The following FHOD3 variants were observed in gnomAD, a reference collection of about 807,000 sequenced individuals.
The protein encoded by FHOD3 is formin homology 2 domain containing 3, also known as FH1/FH2 domain-containing protein 3.
Under a neutral mutation model 173.0 loss-of-function variants are expected in FHOD3, and 90 were observed. That is an observed-to-expected ratio of 0.52 (90% CI 0.44 to 0.62). FHOD3 has a LOEUF of 0.62. Among genes scored for constraint, FHOD3 ranks in the 20% least tolerant of loss-of-function variants. The probability of loss-of-function intolerance (pLI) is 0.00; values close to 1 mark genes in which losing one functional copy is unlikely to be tolerated. For synonymous variants in FHOD3, 828 were observed against 823.0 expected (o/e 1.01, Z -0.10); for missense variants, 1,945 against 2,034.7 (o/e 0.96, Z 0.85).
intron 19 of FHOD3, among the ~76,000 whole-genome samples, chr18:36,721,910 C>CA (rs538698389): frequency 1.3e-5 from 2 of 151,958 alleles, no homozygotes; most frequent in Non-Finnish European, 1.5e-5. Flanking sequence ...TAGGTTTCAT[C>CA]AAAAAAAGTA....
At chr18:36,694,497 A>G (rs2039144607) in intron 17 of FHOD3, among the ~76,000 whole-genome samples, 1 of 152,208 alleles carries the variant, frequency 6.6e-6, no homozygotes, top group African/African-American at 2.4e-5. Flanking sequence ...GTCATGGATG[A>G]GTAATGTCGG....
Position 36,654,025 on chromosome 18 carries a change from G to A in FHOD3, c.1721+609G>A, listed in dbSNP as rs1600100356. On this transcript the variant is annotated intron_variant, in intron 13 of 28. Coordinates refer to ENST00000590592, the MANE Select transcript of FHOD3 (RefSeq NM_001281740.3). ...ACCCCAGGCAGCCTGTTCCAGAGTCGCTTCCTAACCCGTACGTGGTGCTGC... is the reference window on the plus strand; with the variant it reads ...ACCCCAGGCAGCCTGTTCCAGAGTCACTTCCTAACCCGTACGTGGTGCTGC... 3.3e-5 allele frequency among the ~76,000 whole-genome samples: 5 copies of A among 152,152 alleles called. No homozygotes were observed. In the South Asian group the frequency reaches 6.2e-4, roughly 19 times the overall value.
chr18:36,487,911 A>G (rs1192801672), intron 3 of FHOD3, among the ~76,000 whole-genome samples: 1 of 152,224 alleles, frequency 6.6e-6, no homozygotes, highest in East Asian at 1.9e-4. Context: ...TTTAATGTGT[A>G]CAAACCTTAG....
At chr18:36,509,887 A>G (rs2146266877) in intron 4 of FHOD3, among the ~76,000 whole-genome samples, 1 of 152,342 alleles carries the variant, frequency 6.6e-6, no homozygotes, top group Non-Finnish European at 1.5e-5. Context: ...GTAGGCAAGG[A>G]AGAAGCTGCT....
At chr18:36,408,023 G>C (rs1026464925) in intron 3 of FHOD3, among the ~76,000 whole-genome samples, 29 of 152,114 alleles carry the variant, frequency 1.9e-4, no homozygotes, top group African/African-American at 7.0e-4. Flanking sequence ...AGGAGCGTGT[G>C]GCCTTGGCTG....
intron 20 of FHOD3, among the ~76,000 whole-genome samples, chr18:36,732,678 A>T (rs2041429124): frequency 6.6e-6 from 1 of 152,216 alleles, no homozygotes; most frequent in Non-Finnish European, 1.5e-5. Flanking sequence ...TGAGTGGGCG[A>T]CAGCTGGGAG....
At chr18:36,655,404 A>G (rs929391099) in intron 13 of FHOD3, among the ~76,000 whole-genome samples, 2 of 152,102 alleles carry the variant, frequency 1.3e-5, no homozygotes, top group African/African-American at 2.4e-5. Flanking sequence ...TTGGTCTGCA[A>G]GCTTCACCGC....
chr18:36,611,088 C>T (rs966480188), intron 8 of FHOD3, among the ~76,000 whole-genome samples: 16 of 152,170 alleles, frequency 1.1e-4, no homozygotes, highest in Non-Finnish European at 2.4e-4. Context: ...CTTTTTGTCT[C>T]TTAATTGCTG....
chr18:36,315,001 A>G (rs1335199277), intron 1 of FHOD3, among the ~76,000 whole-genome samples: 2 of 152,174 alleles, frequency 1.3e-5, no homozygotes, highest in Non-Finnish European at 2.9e-5. Context: ...GAACTCTGTG[A>G]GTTCTGATTC....
At chr18:36,410,070 A>G (rs1606590) in intron 3 of FHOD3, among the ~76,000 whole-genome samples, 1 of 152,078 alleles carries the variant, frequency 6.6e-6, no homozygotes, top group Non-Finnish European at 1.5e-5. Context: ...GTGGTATTTA[A>G]TATTGTCACA....
Position 36,747,113 on chromosome 18 carries a change from G to A in FHOD3, c.4210G>A (p.Val1404Ile). 22 of 1,611,222 alleles carry A rather than the reference G, an allele frequency of 1.4e-5. No homozygotes were observed. The highest frequency in any genetic ancestry group is 1.9e-5 in the Non-Finnish European group (22 of 1,178,862). ...CAERIIILKIVHRRIINRFHS... is the reference protein window; with the variant it reads ...CAERIIILKIIHRRIINRFHS... ...AGAGCGAATTATAATTTTAAAGATT[G>A]TCCATAGAAGGATAATCAACAGGTA... The change falls in exon 24 of 29, where the codon GTC (valine) becomes ATC (isoleucine). Residue 1404 changes from valine to isoleucine, a missense_variant. Physicochemically the swap from Val to Ile is conservative, Grantham distance 29. Transcript: ENST00000590592.
chr18:36,585,082 A>G (rs960678306), intron 6 of FHOD3, among the ~76,000 whole-genome samples: 4 of 152,242 alleles, frequency 2.6e-5, no homozygotes, highest in Non-Finnish European at 5.9e-5. Flanking sequence ...CCTACATAAT[A>G]TACAGTCATA....
intron 1 of FHOD3, among the ~76,000 whole-genome samples, chr18:36,329,188 AGT>A (rs2044844172): frequency 6.6e-6 from 1 of 152,138 alleles, no homozygotes; most frequent in African/African-American, 2.4e-5. Flanking sequence ...GGAACCCTGG[AGT>A]GCAACACCAG....
chr18:36,749,588 T>C (rs931318087), intron 24 of FHOD3, among the ~76,000 whole-genome samples: 2 of 152,226 alleles, frequency 1.3e-5, no homozygotes, highest in Non-Finnish European at 2.9e-5. Context: ...TTGATGGGCA[T>C]TGAGGTTGAT....
chr18:36,616,704 C>T (rs541093064), intron 9 of FHOD3, among the ~76,000 whole-genome samples: 1 of 152,340 alleles, frequency 6.6e-6, no homozygotes, highest in Non-Finnish European at 1.5e-5. Context: ...TGTCATCCTA[C>T]TACTCCTATC....
intron 1 of FHOD3, among the ~76,000 whole-genome samples, chr18:36,334,088 C>G (rs565309959): frequency 3.3e-5 from 5 of 152,308 alleles, no homozygotes; most frequent in East Asian, 1.9e-4. Flanking sequence ...GTGGTCCCCC[C>G]ACATCAGCAG....
At chr18:36,431,945 G>A (rs1439911234) in intron 3 of FHOD3, among the ~76,000 whole-genome samples, 1 of 152,208 alleles carries the variant, frequency 6.6e-6, no homozygotes, top group Non-Finnish European at 1.5e-5. Flanking sequence ...CCCCAATAAT[G>A]CAGTTTGCAT....
At chr18:36,367,441 A>T (rs563720048) in intron 2 of FHOD3, among the ~76,000 whole-genome samples, 23 of 152,062 alleles carry the variant, frequency 1.5e-4, no homozygotes, top group Non-Finnish European at 3.2e-4. Flanking sequence ...CCCTGGGGAG[A>T]TTAAGGTCAA....
intron 5 of FHOD3, among the ~76,000 whole-genome samples, chr18:36,560,410 G>C (rs516879): frequency 6.6e-6 from 1 of 152,344 alleles, no homozygotes; most frequent in East Asian, 1.9e-4. Flanking sequence ...TGTTTGGCAA[G>C]AGGCAGTAGG....
Sources: allele counts gnomAD v4.1 joint callset (sites outside exome capture counted in the v4.1 genomes callset), GRCh38; gene constraint gnomAD v4.1.1; transcripts MANE v1.5; gene names NCBI Gene and HGNC (gene_info 2026-07-23, HGNC 2026-07-21).